DGKI: variants seen among roughly 807,000 people sequenced by gnomAD.
The protein encoded by DGKI is diacylglycerol kinase iota.
Under a neutral mutation model 147.5 loss-of-function variants are expected in DGKI, and 55 were observed. That is an observed-to-expected ratio of 0.37 (90% confidence interval 0.30 to 0.47). The LOEUF (loss-of-function observed/expected upper bound fraction) is 0.47. Ranked by LOEUF, DGKI falls within the 20% of genes least tolerant of loss-of-function variation. The pLI, the probability that DGKI is intolerant of heterozygous loss-of-function variation, is 1.00. For missense variants in DGKI, 1,007 were observed against 1,323.8 expected (o/e 0.76, Z 3.71); for synonymous variants, 469 against 477.1 (o/e 0.98, Z 0.22).
At position 137,719,404 on chromosome 7, in the gene DGKI, T is replaced by C. The variant is rs74691276; in HGVS notation, c.402-29402A>G. ...TCAGAGAATTTAGAAGTAATATATC[T>C]CCACGTCCCCCTGGAACACAAACCT... On this transcript the variant is annotated intron_variant, in intron 1 of 32. Transcript: ENST00000614521. Among the ~76,000 whole-genome samples the C allele has an allele frequency of 2.2e-3, 337 of 152,116 alleles. 3 individuals carry two copies. Among genetic ancestry groups the C allele is most frequent in the Admixed American group, 3.7e-3 (57 of 15,270 alleles).
chr7:137,572,244 T>C (rs1379531340), intron 18 of DGKI, among the ~76,000 whole-genome samples: 1 of 152,238 alleles, frequency 6.6e-6, no homozygotes, highest in African/African-American at 2.4e-5. Context: ...AGTCTAGTTA[T>C]CTTAAATATC....
intron 1 of DGKI, among the ~76,000 whole-genome samples, chr7:137,820,363 C>T (rs1797861074): frequency 6.6e-6 from 1 of 152,184 alleles, no homozygotes; most frequent in African/African-American, 2.4e-5. Context: ...ATTTTCTCTT[C>T]ATCAGAACAT....
chr7:137,618,294 C>G (rs1199314191), intron 8 of DGKI, among the ~76,000 whole-genome samples: 1 of 149,154 alleles, frequency 6.7e-6, no homozygotes, highest in African/African-American at 2.4e-5. Context: ...CACACACCCT[C>G]TGCATAAACC....
At chr7:137,535,987 C>A (rs954780149) in intron 20 of DGKI, among the ~76,000 whole-genome samples, 5 of 152,114 alleles carry the variant, frequency 3.3e-5, no homozygotes, top group African/African-American at 1.2e-4. Flanking sequence ...TTTATTATAA[C>A]AACACTTGAA....
chr7:137,728,689 G>A (rs1353318794), intron 1 of DGKI, among the ~76,000 whole-genome samples: 1 of 152,118 alleles, frequency 6.6e-6, no homozygotes, highest in Non-Finnish European at 1.5e-5. Flanking sequence ...CCAGTGCTCA[G>A]ACAGATATCA....
chr7:137,643,646 C>G (rs1409637469), intron 6 of DGKI, among the ~76,000 whole-genome samples: 1 of 152,166 alleles, frequency 6.6e-6, no homozygotes, highest in Non-Finnish European at 1.5e-5. Flanking sequence ...GTGCAGCGAG[C>G]TGTGCTCATG....
chr7:137,585,996 T>C (rs970828994), intron 13 of DGKI, among the ~76,000 whole-genome samples: 1 of 152,254 alleles, frequency 6.6e-6, no homozygotes, highest in African/African-American at 2.4e-5. Context: ...AAATACGTTT[T>C]TTATTTCTAC....
chr7:137,649,768 T>C (rs1005776826), intron 5 of DGKI, among the ~76,000 whole-genome samples: 2 of 147,402 alleles, frequency 1.4e-5, no homozygotes, highest in Admixed American at 6.8e-5. Flanking sequence ...ATTTTATATA[T>C]ATATGTATAT....
intron 19 of DGKI, among the ~76,000 whole-genome samples, chr7:137,554,565 A>G (rs1298621571): frequency 6.6e-6 from 1 of 151,968 alleles, no homozygotes; most frequent in Non-Finnish European, 1.5e-5. Context: ...ATGTCTTGAG[A>G]TTTTCTATCT....
intron 19 of DGKI, among the ~76,000 whole-genome samples, chr7:137,566,249 T>G (rs1037568522): frequency 1.3e-5 from 2 of 152,122 alleles, no homozygotes; most frequent in Non-Finnish European, 2.9e-5. Context: ...GTTTACATAA[T>G]CATCTTAAAC....
At chr7:137,587,323 T>G (rs934819490) in intron 12 of DGKI, 113 bp from the exon 13 acceptor site, 2 of 734,378 alleles carry the variant, frequency 2.7e-6, no homozygotes, top group Non-Finnish European at 4.1e-6. Context: ...TTATTTTTCT[T>G]TAAAACATGT....
At chr7:137,609,173 TG>T (rs1820281999) in intron 9 of DGKI, 109 bp from the exon 10 acceptor site, 3 of 789,914 alleles carry the variant, frequency 3.8e-6, no homozygotes, top group Non-Finnish European at 6.3e-6. Context: ...TTCCCAGGGC[TG>T]ACTCTTAACA....
chr7:137,483,308 A>G (rs1289054962), intron 23 of DGKI, among the ~76,000 whole-genome samples: 2 of 152,152 alleles, frequency 1.3e-5, no homozygotes, highest in African/African-American at 4.8e-5. Context: ...ATATTTTGAT[A>G]AAGTTTTAAA....
chr7:137,683,846 A>T (rs540289029), intron 2 of DGKI, among the ~76,000 whole-genome samples: 1 of 152,166 alleles, frequency 6.6e-6, no homozygotes, highest in African/African-American at 2.4e-5. Context: ...CTAAGAGTGG[A>T]GATTCACCTA....
intron 1 of DGKI, among the ~76,000 whole-genome samples, chr7:137,748,275 A>C (rs1795401698): frequency 6.6e-6 from 1 of 152,018 alleles, no homozygotes; most frequent in South Asian, 2.1e-4. Flanking sequence ...ATCACTCCAC[A>C]TATAATACTA....
At chr7:137,844,756 G>T (rs1258335168) in intron 1 of DGKI, among the ~76,000 whole-genome samples, 1 of 152,104 alleles carries the variant, frequency 6.6e-6, no homozygotes, top group Non-Finnish European at 1.5e-5. Context: ...AAAAAAGGAG[G>T]CTCAGAGAAT....
intron 1 of DGKI, among the ~76,000 whole-genome samples, chr7:137,803,090 A>T (rs1242332308): frequency 6.6e-6 from 1 of 152,256 alleles, no homozygotes; most frequent in African/African-American, 2.4e-5. Flanking sequence ...GCTTGCATTA[A>T]GGAAAGATCC....
At chr7:137,673,710 T>G (rs1479588204) in intron 3 of DGKI, among the ~76,000 whole-genome samples, 2 of 152,232 alleles carry the variant, frequency 1.3e-5, no homozygotes. Context: ...TATTCAGGTC[T>G]GTGTGACCAC....
chr7:137,551,785 G>T (rs1818053298), intron 20 of DGKI, among the ~76,000 whole-genome samples: 1 of 152,130 alleles, frequency 6.6e-6, no homozygotes. Flanking sequence ...GAAAGAGTGG[G>T]TCAGGCTATG....
Sources: gnomAD v4.1 joint callset for allele counts (sites outside exome capture counted in the v4.1 genomes callset) on GRCh38, gnomAD v4.1.1 for gene constraint, MANE v1.5 for transcripts, NCBI Gene and HGNC (gene_info 2026-07-23, HGNC 2026-07-21) for gene names.